CNTNAP2: variants seen among roughly 807,000 people sequenced by gnomAD.
CNTNAP2 encodes the protein contactin associated protein 2, also known as contactin-associated protein-like 2.
CNTNAP2 carries 98 observed loss-of-function variants against 155.2 expected under a neutral mutation model. The observed-to-expected ratio is 0.63, with a 90% CI of 0.54 to 0.75. The LOEUF (loss-of-function observed/expected upper bound fraction) is 0.75. Ranked by LOEUF, CNTNAP2 falls within the 30% of genes least tolerant of loss-of-function variation. CNTNAP2 has a pLI of 0.00. For missense variants in CNTNAP2, 1,727 were observed against 1,688.1 expected, an observed-to-expected ratio of 1.02 and a Z score of -0.40; for synonymous variants, 651 against 631.2, an observed-to-expected ratio of 1.03 and a Z score of -0.47.
chr7:147,496,961 C>T (rs889197905), intron 11 of CNTNAP2: 1 of 152,106 alleles, frequency 6.6e-6, no homozygotes, highest in African/African-American at 2.4e-5. Flanking sequence ...TATCCATCCA[C>T]CTAAATAATC....
intron 1 of CNTNAP2, among the ~76,000 whole-genome samples, chr7:146,582,519 G>T (rs1217481451): frequency 6.6e-6 from 1 of 152,124 alleles, no homozygotes; most frequent in Non-Finnish European, 1.5e-5. Context: ...AAAATAAACA[G>T]TGATTTATAA....
chr7:148,388,636 C>T (rs1220696682), intron 22 of CNTNAP2, among the ~76,000 whole-genome samples: 1 of 151,996 alleles, frequency 6.6e-6, no homozygotes, highest in Non-Finnish European at 1.5e-5. Flanking sequence ...AGTTTTTCTG[C>T]TCTGTTTTTT....
At chr7:146,992,711 T>C (rs1163419004) in intron 3 of CNTNAP2, among the ~76,000 whole-genome samples, 1 of 152,120 alleles carries the variant, frequency 6.6e-6, no homozygotes, top group Non-Finnish European at 1.5e-5. Flanking sequence ...CTAAGATTTT[T>C]TTTTTCTAGA....
chr7:146,741,247 C>A lies in CNTNAP2; in HGVS notation c.98-33024C>A, dbSNP rs1174459376. On this transcript the variant is annotated intron_variant, in intron 1 of 23. Coordinates refer to ENST00000361727, the MANE Select transcript of CNTNAP2 (RefSeq NM_014141.6). ...CTCTCACGTGGTAAAAAGATCCTAG[C>A]CCTTGTGACGTTATTTTTGTGCATA... Among the ~76,000 whole-genome samples, 3 of 152,064 alleles carry A rather than the reference C, an allele frequency of 2.0e-5. No individual in the cohort carries two copies. In the East Asian group the frequency reaches 5.8e-4, roughly 29 times the overall value.
At chr7:147,492,869 C>T (rs991042094) in intron 11 of CNTNAP2, among the ~76,000 whole-genome samples, 2 of 152,152 alleles carry the variant, frequency 1.3e-5, no homozygotes, top group Admixed American at 6.5e-5. Context: ...GCCCCCGCTC[C>T]TCTGTGCTAT....
chr7:148,331,348 AATGG>A (rs1798005192), intron 21 of CNTNAP2, among the ~76,000 whole-genome samples: 2 of 120,780 alleles, frequency 1.7e-5, no homozygotes, highest in Non-Finnish European at 3.4e-5. Context: ...GGACGGATGG[AATGG>A]ATGGATGGAG....
At chr7:146,472,681 T>C (rs9691838) in intron 1 of CNTNAP2, among the ~76,000 whole-genome samples, 29,317 of 151,984 alleles carry the variant, frequency 0.19, 4,161 homozygotes, top group African/African-American at 0.41. Context: ...AATATTTTCT[T>C]TTGCATCTTT....
intron 1 of CNTNAP2, among the ~76,000 whole-genome samples, chr7:146,751,691 G>T (rs559035170): frequency 6.6e-6 from 1 of 152,148 alleles, no homozygotes; most frequent in African/African-American, 2.4e-5. Context: ...CATGTGCCAT[G>T]GTGGTTTGCT....
At chr7:147,397,222 A>G (rs1033021102) in intron 10 of CNTNAP2, among the ~76,000 whole-genome samples, 2 of 152,044 alleles carry the variant, frequency 1.3e-5, no homozygotes, top group Non-Finnish European at 2.9e-5. Context: ...ATAGTGAACA[A>G]TTTTAATGGA....
chr7:146,260,105 A>G (rs1446151868), intron 1 of CNTNAP2, among the ~76,000 whole-genome samples: 2 of 152,234 alleles, frequency 1.3e-5, no homozygotes, highest in East Asian at 1.9e-4. Context: ...AGAGGGTGCA[A>G]GCCCCAAGCC....
intron 1 of CNTNAP2, among the ~76,000 whole-genome samples, chr7:146,199,103 T>A (rs1289248266): frequency 6.6e-6 from 1 of 152,196 alleles, no homozygotes; most frequent in African/African-American, 2.4e-5. Flanking sequence ...AAGTTCTTAT[T>A]CATATCCACC....
intron 2 of CNTNAP2, among the ~76,000 whole-genome samples, chr7:146,814,971 A>G (rs1395778535): frequency 6.6e-6 from 1 of 152,234 alleles, no homozygotes; most frequent in Non-Finnish European, 1.5e-5. Context: ...TATGAATAAT[A>G]GAAATAATTT....
intron 1 of CNTNAP2, among the ~76,000 whole-genome samples, chr7:146,572,565 T>C (rs1250485944): frequency 6.6e-6 from 1 of 152,202 alleles, no homozygotes; most frequent in East Asian, 1.9e-4. Flanking sequence ...ACTATGGACA[T>C]CCCAATGTTC....
intron 13 of CNTNAP2, among the ~76,000 whole-genome samples, chr7:147,850,927 C>G (rs1175766114): frequency 6.6e-6 from 1 of 152,118 alleles, no homozygotes; most frequent in Admixed American, 6.6e-5. Context: ...CAAATGGGAT[C>G]TAATTAAACT....
intron 1 of CNTNAP2, among the ~76,000 whole-genome samples, chr7:146,397,718 A>G (rs1795650354): frequency 6.6e-6 from 1 of 152,172 alleles, no homozygotes; most frequent in African/African-American, 2.4e-5. Context: ...CCAGTTTACA[A>G]TACTTTAGAC....
chr7:147,151,395 C>T lies in CNTNAP2; in HGVS notation c.1348+18886C>T, dbSNP rs990955099. Among the ~76,000 whole-genome samples, 67 of 150,848 alleles carry T rather than the reference C, an allele frequency of 4.4e-4. 1 individual carries two copies. Among genetic ancestry groups the T allele is most frequent in the South Asian group, 1.5e-3 (7 of 4,708 alleles). ...GCTGTGAAAAAAGTGAGAAATAGGC[C>T]GACAAAATGATAGTAAAGTCACATA... On this transcript the variant is annotated intron_variant, in intron 8 of 23. Coordinates refer to ENST00000361727, the MANE Select transcript of CNTNAP2 (RefSeq NM_014141.6).
intron 9 of CNTNAP2, among the ~76,000 whole-genome samples, chr7:147,349,660 C>T (rs1405278510): frequency 6.6e-6 from 1 of 151,882 alleles, no homozygotes; most frequent in Non-Finnish European, 1.5e-5. Flanking sequence ...AAGAACTCTT[C>T]TCATTTGTCT....
intron 3 of CNTNAP2, among the ~76,000 whole-genome samples, chr7:146,913,878 A>G (rs568366482): frequency 3.8e-4 from 57 of 151,880 alleles, no homozygotes; most frequent in Non-Finnish European, 6.8e-4. Context: ...ACCGTACCCA[A>G]TGTGTAGTTT....
At chr7:147,710,222 G>A (rs1796383127) in intron 13 of CNTNAP2, among the ~76,000 whole-genome samples, 1 of 152,080 alleles carries the variant, frequency 6.6e-6, no homozygotes, top group Admixed American at 6.6e-5. Flanking sequence ...AATGTTGATG[G>A]AGAAATAGAT....
Sources: allele counts gnomAD v4.1 joint callset (sites outside exome capture counted in the v4.1 genomes callset), GRCh38; gene constraint gnomAD v4.1.1; transcripts MANE v1.5; gene names NCBI Gene and HGNC (gene_info 2026-07-23, HGNC 2026-07-21).